DNER: variants seen among roughly 807,000 people sequenced by gnomAD.
DNER encodes delta/notch like EGF repeat containing.
In DNER, 33 loss-of-function variants were observed where a neutral mutation model predicts 78.2. The observed-to-expected ratio is 0.42, with a 90% CI of 0.32 to 0.56. The LOEUF (loss-of-function observed/expected upper bound fraction) is 0.56, where lower values mean the gene tolerates loss of function less well. Among genes scored for constraint, DNER ranks in the 20% least tolerant of loss-of-function variants. The pLI is 0.11. For synonymous variants in DNER, 417 were observed against 384.8 expected (o/e 1.08, Z -0.98); for missense variants, 918 against 975.3 (o/e 0.94, Z 0.78).
chr2:229,410,130 C>T (rs1203283161), intron 9 of DNER, among the ~76,000 whole-genome samples: 3 of 152,128 alleles, frequency 2.0e-5, no homozygotes, highest in Admixed American at 1.3e-4. Flanking sequence ...ACCTGATCTT[C>T]GCATATTTAA....
intron 8 of DNER, among the ~76,000 whole-genome samples, chr2:229,439,488 G>A (rs1173507416): frequency 4.6e-5 from 7 of 152,106 alleles, no homozygotes; most frequent in East Asian, 3.9e-4. Context: ...ACAGCTGTTC[G>A]GAGGCAAAGC....
At chr2:229,506,495 G>A (rs72988854) in intron 6 of DNER, among the ~76,000 whole-genome samples, 24,433 of 150,130 alleles carry the variant, frequency 0.16, 2,359 homozygotes, top group East Asian at 0.24. Flanking sequence ...TATTTGTAAT[G>A]CAAAAATGCT....
intron 5 of DNER, among the ~76,000 whole-genome samples, chr2:229,540,577 G>A (rs1696492051): frequency 6.6e-6 from 1 of 152,156 alleles, no homozygotes; most frequent in Non-Finnish European, 1.5e-5. Flanking sequence ...TCAAGCAATG[G>A]ACAAAGTAAC....
intron 4 of DNER, among the ~76,000 whole-genome samples, chr2:229,552,048 T>C (rs1267284685): frequency 2.0e-5 from 3 of 152,230 alleles, no homozygotes; most frequent in Admixed American, 1.3e-4. Flanking sequence ...ATATACGTAA[T>C]TTAAAGTACA....
At chr2:229,673,154 G>A (rs1056392284) in intron 1 of DNER, among the ~76,000 whole-genome samples, 1 of 152,254 alleles carries the variant, frequency 6.6e-6, no homozygotes, top group African/African-American at 2.4e-5. Context: ...GTAACGTGAT[G>A]TGAAAGTGGC....
chr2:229,675,450 T>C (rs999088845), intron 1 of DNER, among the ~76,000 whole-genome samples: 4 of 152,220 alleles, frequency 2.6e-5, no homozygotes, highest in African/African-American at 9.7e-5. Context: ...AGGAATCTTA[T>C]CTGAGCTGTC....
chr2:229,705,514 C>T (rs1408973328), intron 1 of DNER, among the ~76,000 whole-genome samples: 3 of 152,158 alleles, frequency 2.0e-5, no homozygotes, highest in Admixed American at 6.5e-5. Context: ...AGAATGGAAC[C>T]GCAACCCTCT....
chr2:229,526,702 C>T (rs1199046137), intron 5 of DNER, among the ~76,000 whole-genome samples: 4 of 152,210 alleles, frequency 2.6e-5, no homozygotes, highest in African/African-American at 9.6e-5. Flanking sequence ...CAGTAGTGCT[C>T]GCTCGCCACT....
chr2:229,501,558 T>A (rs1041153990), intron 6 of DNER, among the ~76,000 whole-genome samples: 2 of 152,146 alleles, frequency 1.3e-5, no homozygotes, highest in African/African-American at 4.8e-5. Context: ...CATTCTCCTC[T>A]CAAGAGAAAT....
chr2:229,447,312 C>A lies in DNER; in HGVS notation c.1486+4G>T. The A allele has an allele frequency of 6.3e-7, 1 of 1,592,706 alleles. No individual in the cohort carries two copies. The highest frequency in any genetic ancestry group is 1.1e-5 in the South Asian group (1 of 87,972). ...AAGATGTACTGTGTAGGGGCGGTAC[C>A]CACCTGGATCACAGAGGCATTTGTA... On this transcript the variant is annotated splice_donor_region_variant and intron_variant, in intron 8 of 12. Transcript: ENST00000341772.
chr2:229,397,606 C>A (rs1693177314), intron 10 of DNER, among the ~76,000 whole-genome samples: 1 of 152,028 alleles, frequency 6.6e-6, no homozygotes, highest in Non-Finnish European at 1.5e-5. Flanking sequence ...AAAACATATA[C>A]CAATATAAAC....
intron 10 of DNER, among the ~76,000 whole-genome samples, chr2:229,392,553 CGT>C (rs1222904141): frequency 6.6e-6 from 1 of 152,016 alleles, no homozygotes; most frequent in Non-Finnish European, 1.5e-5. Context: ...TTGCTGAAGA[CGT>C]GTGTGTGTGT....
intron 7 of DNER, among the ~76,000 whole-genome samples, chr2:229,460,830 A>G (rs1298716313): frequency 6.6e-6 from 1 of 151,476 alleles, no homozygotes; most frequent in Non-Finnish European, 1.5e-5. Flanking sequence ...CAAATGTTAC[A>G]AACATAGTTT....
chr2:229,409,135 C>T (rs1693452618), intron 9 of DNER, among the ~76,000 whole-genome samples: 1 of 152,184 alleles, frequency 6.6e-6, no homozygotes, highest in South Asian at 2.1e-4. Flanking sequence ...GTGTGTACAG[C>T]CTCTTCTCCC....
intron 1 of DNER, among the ~76,000 whole-genome samples, chr2:229,605,783 T>C (rs1340006409): frequency 2.0e-5 from 3 of 151,812 alleles, no homozygotes; most frequent in Admixed American, 2.0e-4. Flanking sequence ...TCCCAGCTAC[T>C]TGAGGGGCTG....
At chr2:229,654,503 T>A (rs1172089543) in intron 1 of DNER, among the ~76,000 whole-genome samples, 3 of 152,166 alleles carry the variant, frequency 2.0e-5, no homozygotes, top group Admixed American at 6.5e-5. Flanking sequence ...ATTACAAAGA[T>A]AATAATAATA....
At chr2:229,466,485 GT>G (rs1367666981) in intron 7 of DNER, among the ~76,000 whole-genome samples, 1 of 152,096 alleles carries the variant, frequency 6.6e-6, no homozygotes. Context: ...AGCCCTCAGT[GT>G]AGGTGAGTGG....
At chr2:229,505,400 T>C (rs935664153) in intron 6 of DNER, among the ~76,000 whole-genome samples, 1 of 152,172 alleles carries the variant, frequency 6.6e-6, no homozygotes, top group Non-Finnish European at 1.5e-5. Flanking sequence ...GTAACATTCC[T>C]AAATCTCTTC....
At chr2:229,433,755 C>T (rs887392298) in intron 8 of DNER, among the ~76,000 whole-genome samples, 4 of 151,958 alleles carry the variant, frequency 2.6e-5, no homozygotes, top group African/African-American at 9.7e-5. Flanking sequence ...ACATACAGAC[C>T]AGTAGGTAAT....
Sources: allele counts gnomAD v4.1 joint callset (sites outside exome capture counted in the v4.1 genomes callset), GRCh38; gene constraint gnomAD v4.1.1; transcripts MANE v1.5; gene names NCBI Gene and HGNC (gene_info 2026-07-23, HGNC 2026-07-21).